SP4: variants seen among roughly 807,000 people sequenced by gnomAD.
The protein encoded by SP4 is transcription factor Sp4.
Under a neutral mutation model 72.8 loss-of-function variants are expected in SP4, and 19 were observed. The ratio of observed to expected loss-of-function variants is 0.26; its 90% CI spans 0.18 to 0.38. The LOEUF (loss-of-function observed/expected upper bound fraction) is 0.38. Ranked by LOEUF, SP4 falls within the 10% of genes least tolerant of loss-of-function variation. The probability of loss-of-function intolerance (pLI) is 1.00; values close to 1 mark genes in which losing one functional copy is unlikely to be tolerated. For synonymous variants in SP4, 395 were observed against 333.1 expected (o/e 1.19, Z -2.02); for missense variants, 1,008 against 926.3 (o/e 1.09, Z -1.14).
intron 5 of SP4, among the ~76,000 whole-genome samples, chr7:21,501,120 C>A (rs1054921041): frequency 2.0e-5 from 3 of 152,144 alleles, no homozygotes; most frequent in African/African-American, 7.2e-5. Flanking sequence ...TCATTATCCC[C>A]CTAATAAGGG....
intron 3 of SP4, among the ~76,000 whole-genome samples, chr7:21,457,937 C>T (rs551829088): frequency 6.6e-6 from 1 of 152,144 alleles, no homozygotes; most frequent in Non-Finnish European, 1.5e-5. Flanking sequence ...CTAAAATGTA[C>T]TAATTTTAGA....
chr7:21,484,955 C>T (rs142585023), intron 5 of SP4, among the ~76,000 whole-genome samples: 1 of 151,938 alleles, frequency 6.6e-6, no homozygotes, highest in Admixed American at 6.5e-5. Flanking sequence ...ACTGGATTGA[C>T]AATTCATAAT....
Position 21,462,538 on chromosome 7 carries a change from T to A in SP4, c.1679-14541T>A, listed in dbSNP as rs545446153. Among the ~76,000 whole-genome samples, 3 of 152,272 alleles carry A rather than the reference T, an allele frequency of 2.0e-5. No individual in the cohort carries two copies. The East Asian group carries it at 5.8e-4, about 29-fold the overall frequency. On this transcript the variant is annotated intron_variant, in intron 3 of 5. Transcript: ENST00000222584. ...GAATTTTGATATTTGTTAATAAGTCTGAGCTAATAGTATGTTGAAAGTGTC... is the reference window on the plus strand; with the variant it reads ...GAATTTTGATATTTGTTAATAAGTCAGAGCTAATAGTATGTTGAAAGTGTC...
intron 5 of SP4, among the ~76,000 whole-genome samples, chr7:21,509,343 A>G (rs41495348): frequency 0.78 from 118,656 of 152,004 alleles, 46,852 homozygotes; most frequent in African/African-American, 0.9. Context: ...AACTTTATGG[A>G]ATCTTAAGTC....
At chr7:21,482,697 C>T (rs541838480) in intron 5 of SP4, 43 of 979,874 alleles carry the variant, frequency 4.4e-5, no homozygotes, top group African/African-American at 1.2e-4. Flanking sequence ...CTAAGTTTTA[C>T]GTACACTTTT....
chr7:21,428,276 C>A lies in SP4; in HGVS notation c.7+18C>A, dbSNP rs767318543. ...GATGAGCGGTACGTATTCTCCACCC[C>A]CCTCAGTCTCCTTCGCCGCCTCCCT... On this transcript the variant is annotated intron_variant, in intron 1 of 5. Transcript: ENST00000222584. 15 of 1,458,406 alleles carry A rather than the reference C, an allele frequency of 1.0e-5. No homozygotes were observed. In the Middle Eastern group the frequency reaches 6.9e-4, roughly 67 times the overall value. 90.3% of individuals were successfully genotyped at this position (1,458,406 alleles called of 1,614,324 possible).
chr7:21,476,636 G>A (rs1276828334), intron 3 of SP4, among the ~76,000 whole-genome samples: 2 of 152,126 alleles, frequency 1.3e-5, no homozygotes, highest in Non-Finnish European at 1.5e-5. Context: ...TTTGTTTAGT[G>A]ACTTTTCACT....
intron 5 of SP4, among the ~76,000 whole-genome samples, chr7:21,499,631 C>T (rs1342715667): frequency 6.6e-6 from 1 of 152,148 alleles, no homozygotes; most frequent in Non-Finnish European, 1.5e-5. Context: ...GCCTCCAGAA[C>T]TGTGAGAAAA....
intron 3 of SP4, among the ~76,000 whole-genome samples, chr7:21,454,651 A>G (rs903917285): frequency 2.0e-5 from 3 of 152,204 alleles, no homozygotes; most frequent in Non-Finnish European, 2.9e-5. Flanking sequence ...ATACTGTAGA[A>G]GTTATCCACC....
chr7:21,449,631 G>C (rs1783530727), intron 3 of SP4, among the ~76,000 whole-genome samples: 3 of 152,116 alleles, frequency 2.0e-5, no homozygotes, highest in African/African-American at 7.2e-5. Flanking sequence ...CTTTAAACTT[G>C]ATTTGGAAGA....
At chr7:21,438,013 T>C (rs1432938261) in intron 3 of SP4, among the ~76,000 whole-genome samples, 1 of 151,954 alleles carries the variant, frequency 6.6e-6, no homozygotes, top group African/African-American at 2.4e-5. Context: ...GGCTTTTTTT[T>C]TTTTTCTAAC....
rs577589484 is a variant in SP4, at chr7:21,479,806, A to G, written c.1908-2118A>G. The stretch of plus-strand genomic sequence containing the variant: ...GTTTAATCTTTAACTTCTTTCATCA[A>G]TGTTTTATAGTTTTCAGAGTATACA... On this transcript the variant is annotated intron_variant, in intron 4 of 5. Transcript: ENST00000222584. 5.3e-5 allele frequency among the ~76,000 whole-genome samples: 8 copies of G among 152,258 alleles called. No homozygotes were observed. In the South Asian group the frequency reaches 1.2e-3, roughly 24 times the overall value.
At chr7:21,445,825 C>T (rs908292220) in intron 3 of SP4, among the ~76,000 whole-genome samples, 4 of 152,100 alleles carry the variant, frequency 2.6e-5, no homozygotes, top group African/African-American at 9.7e-5. Context: ...AGGATTTTCT[C>T]TCTTTTTTTA....
chr7:21,463,804 T>A (rs1784076534), intron 3 of SP4, among the ~76,000 whole-genome samples: 1 of 152,202 alleles, frequency 6.6e-6, no homozygotes, highest in South Asian at 2.1e-4. Flanking sequence ...CCTATTTCTG[T>A]TAATGGGATC....
chr7:21,457,739 A>T (rs965185417), intron 3 of SP4, among the ~76,000 whole-genome samples: 3 of 152,042 alleles, frequency 2.0e-5, no homozygotes, highest in Admixed American at 6.6e-5. Context: ...AAGCGGTATG[A>T]CCATGACCCA....
At chr7:21,433,713 G>T (rs962291841) in intron 3 of SP4, among the ~76,000 whole-genome samples, 1 of 152,208 alleles carries the variant, frequency 6.6e-6, no homozygotes, top group Non-Finnish European at 1.5e-5. Context: ...GGTCAAGGCA[G>T]GTGGATCACC....
chr7:21,443,654 G>T (rs1783330169), intron 3 of SP4, among the ~76,000 whole-genome samples: 1 of 152,184 alleles, frequency 6.6e-6, no homozygotes, highest in Non-Finnish European at 1.5e-5. Flanking sequence ...TGGTAAGTGG[G>T]TATCTGTGCC....
At position 21,428,183 on chromosome 7, in the gene SP4, G is replaced by GCGCCCCCCCCCCCCC; in HGVS notation, c.-68_-67insGCCCCCCCCCCCCCC. 2.7e-6 allele frequency: 1 copy of GCGCCCCCCCCCCCCC among 370,468 alleles called. No individual in the cohort carries two copies. The highest frequency in any genetic ancestry group is 5.3e-6 in the Non-Finnish European group (1 of 190,028). 22.9% of individuals were successfully genotyped at this position (370,468 alleles called of 1,614,324 possible). A position where few individuals can be genotyped will look rare whatever the true frequency, so the allele number is the denominator to read the frequency against. ...GCGGGCGGGACCGGCCTCTCCTCCCGCCTCGCCCCCACCCCCACCCACCTC... is the reference window on the plus strand; with the variant it reads ...GCGGGCGGGACCGGCCTCTCCTCCCGCGCCCCCCCCCCCCCCCTCGCCCCCACCCCCACCCACCTC... On this transcript the variant is annotated 5_prime_UTR_variant, in exon 1 of 6. Transcript: ENST00000222584.
chr7:21,490,613 T>C (rs1430960854), intron 5 of SP4, among the ~76,000 whole-genome samples: 2 of 152,204 alleles, frequency 1.3e-5, no homozygotes, highest in Middle Eastern at 3.4e-3. Flanking sequence ...CAACTGGAGG[T>C]TGGAAAGGCA....
Sources: allele counts gnomAD v4.1 joint callset (sites outside exome capture counted in the v4.1 genomes callset), GRCh38; gene constraint gnomAD v4.1.1; transcripts MANE v1.5; gene names NCBI Gene and HGNC (gene_info 2026-07-23, HGNC 2026-07-21).